Variants in ULK4 observed in about 807,000 individuals in gnomAD.
The protein encoded by ULK4 is inactive serine/threonine-protein kinase ULK4.
In ULK4, 133 loss-of-function variants were observed where a neutral mutation model predicts 160.6. The ratio of observed to expected loss-of-function variants is 0.83; its 90% CI spans 0.72 to 0.96. The LOEUF (loss-of-function observed/expected upper bound fraction) is 0.96, where lower values mean the gene tolerates loss of function less well. Among genes scored for constraint, ULK4 ranks in the 40% least tolerant of loss-of-function variants. ULK4 has a pLI of 0.00. For synonymous variants in ULK4, 534 were observed against 539.8 expected, an observed-to-expected ratio of 0.99 and a Z score of 0.15; for missense variants, 1,580 against 1,499.5, an observed-to-expected ratio of 1.05 and a Z score of -0.89.
At chr3:41,680,844 T>G (rs1296266657) in intron 29 of ULK4, among the ~76,000 whole-genome samples, 1 of 152,238 alleles carries the variant, frequency 6.6e-6, no homozygotes, top group Non-Finnish European at 1.5e-5. Context: ...CAAAATCTTC[T>G]TTAATATTGA....
chr3:41,804,836 G>A (rs866480469), intron 19 of ULK4, among the ~76,000 whole-genome samples: 56 of 152,026 alleles, frequency 3.7e-4, no homozygotes, highest in Non-Finnish European at 6.9e-4. Flanking sequence ...TATTCCATTG[G>A]TCTATATCTC....
intron 32 of ULK4, among the ~76,000 whole-genome samples, chr3:41,554,082 G>C (rs938342385): frequency 6.6e-6 from 1 of 152,064 alleles, no homozygotes; most frequent in Admixed American, 6.6e-5. Flanking sequence ...GAGAACATGT[G>C]AAATTTGTCT....
At chr3:41,532,512 G>T (rs1367192777) in intron 32 of ULK4, among the ~76,000 whole-genome samples, 1 of 152,108 alleles carries the variant, frequency 6.6e-6, no homozygotes, top group South Asian at 2.1e-4. Context: ...TAAGCTCCAT[G>T]AAGGCAGGGA....
chr3:41,370,096 G>C (rs74791241), intron 35 of ULK4, among the ~76,000 whole-genome samples: 1,522 of 151,986 alleles, frequency 0.01, 15 homozygotes, highest in African/African-American at 0.027. Context: ...GATCTCTAGA[G>C]ACACTCTCAA....
At chr3:41,334,757 T>G (rs1037960463) in intron 35 of ULK4, among the ~76,000 whole-genome samples, 1 of 152,212 alleles carries the variant, frequency 6.6e-6, no homozygotes, top group Non-Finnish European at 1.5e-5. Context: ...TTTTAATACA[T>G]GAAAACATAT....
chr3:41,821,923 G>C (rs542111718), intron 18 of ULK4, among the ~76,000 whole-genome samples: 12 of 152,110 alleles, frequency 7.9e-5, no homozygotes, highest in African/African-American at 2.7e-4. Context: ...CCTTTAAATT[G>C]GGCCTTAAAC....
intron 30 of ULK4, among the ~76,000 whole-genome samples, chr3:41,641,338 G>C (rs2034183153): frequency 6.6e-6 from 1 of 152,166 alleles, no homozygotes; most frequent in African/African-American, 2.4e-5. Flanking sequence ...TAGGGGCTAA[G>C]TTGTCGAGGT....
Position 41,955,961 on chromosome 3 carries a change from C to G in ULK4, c.-48-1154G>C, listed in dbSNP as rs984197406. 2.6e-5 allele frequency among the ~76,000 whole-genome samples: 4 copies of G among 152,124 alleles called. No individual in the cohort carries two copies. In the East Asian group the frequency reaches 7.7e-4, roughly 29 times the overall value. ...GCACAGTGGGATAATATATGTGAGG[C>G]AGGAGAACAGGGTCTGGAGGCAGGG... On this transcript the variant is annotated intron_variant, in intron 1 of 36. Transcript: ENST00000301831.
intron 30 of ULK4, among the ~76,000 whole-genome samples, chr3:41,662,322 A>G (rs1210216687): frequency 6.6e-6 from 1 of 152,172 alleles, no homozygotes; most frequent in East Asian, 1.9e-4. Context: ...GGCTCAGAAT[A>G]GATGGTAGTA....
intron 32 of ULK4, among the ~76,000 whole-genome samples, chr3:41,488,142 G>C (rs576017049): frequency 5.7e-4 from 87 of 152,314 alleles, no homozygotes; most frequent in African/African-American, 2.0e-3. Flanking sequence ...CCGAGTTAGA[G>C]AACAATACAT....
chr3:41,805,638 ATTATT>A (rs1352131532), intron 19 of ULK4, among the ~76,000 whole-genome samples: 1 of 151,322 alleles, frequency 6.6e-6, no homozygotes, highest in African/African-American at 2.4e-5. Flanking sequence ...GATAGCTCTT[ATTATT>A]TTGAGATACG....
At chr3:41,463,406 T>C (rs1215105957) in intron 32 of ULK4, among the ~76,000 whole-genome samples, 153 bp from the exon 33 acceptor site, 2 of 152,214 alleles carry the variant, frequency 1.3e-5, no homozygotes. Flanking sequence ...GAAAGTTGTT[T>C]AAAATGCAGG....
intron 21 of ULK4, among the ~76,000 whole-genome samples, chr3:41,768,239 T>C (rs1350548342): frequency 6.6e-6 from 1 of 152,146 alleles, no homozygotes; most frequent in Admixed American, 6.5e-5. Context: ...CCAAAAAGGG[T>C]GGAGACCACT....
intron 32 of ULK4, among the ~76,000 whole-genome samples, chr3:41,506,665 T>A (rs1422487266): frequency 6.6e-6 from 1 of 150,668 alleles, no homozygotes; most frequent in African/African-American, 2.4e-5. Flanking sequence ...CGACCATCAG[T>A]CCTTCACTAA....
intron 32 of ULK4, among the ~76,000 whole-genome samples, chr3:41,508,965 A>G (rs13089080): frequency 0.074 from 11,193 of 152,142 alleles, 575 homozygotes; most frequent in Admixed American, 0.13. Context: ...GATCCAAACC[A>G]AGATGAAATC....
intron 35 of ULK4, among the ~76,000 whole-genome samples, chr3:41,263,092 G>A (rs193242161): frequency 1.6e-4 from 25 of 152,296 alleles, no homozygotes; most frequent in African/African-American, 6.0e-4. Context: ...CTAAGGCACT[G>A]GCATGAGGAT....
At chr3:41,911,763 A>G in intron 9 of ULK4, 104 bp from the exon 10 acceptor site, 1 of 846,268 alleles carries the variant, frequency 1.2e-6, no homozygotes, top group South Asian at 1.6e-5. Flanking sequence ...TACACATGAC[A>G]TTTAGCAAAG....
In ULK4 at chr3:41,895,561, G is replaced by A; in HGVS notation, c.1534C>T (p.Gln512Ter). ...ATRLLHSPLF[Q>*]LLIQHLRIAP... is the part of the protein sequence containing the mutation. ...ATCCGCAAATGCTGGATTAGCAATT[G>A]GAACTAGAATAAGAAATTTAAGTGT... The change falls in exon 16 of 37, where the codon CAA (glutamine) becomes TAA (stop). Residue 512 changes from glutamine (Q) to a stop codon, truncating the protein, a stop_gained. Coordinates refer to ENST00000301831, the MANE Select transcript of ULK4 (RefSeq NM_017886.4). LOFTEE classifies it high-confidence loss of function. 1.3e-6 allele frequency: 2 copies of A among 1,506,042 alleles called. No homozygotes were observed. Among genetic ancestry groups the A allele is most frequent in the Non-Finnish European group, 1.8e-6 (2 of 1,126,726 alleles). The allele number at this position is 1,506,042 out of a possible 1,614,324, so 93.3% of individuals were successfully genotyped here.
At chr3:41,941,094 C>T (rs1699939355) in intron 2 of ULK4, among the ~76,000 whole-genome samples, 1 of 149,974 alleles carries the variant, frequency 6.7e-6, no homozygotes, top group Non-Finnish European at 1.5e-5. Context: ...AGCACAGTGG[C>T]ACAGTCATGG....
Sources: gnomAD v4.1 joint callset for allele counts (sites outside exome capture counted in the v4.1 genomes callset) on GRCh38, gnomAD v4.1.1 for gene constraint, MANE v1.5 for transcripts, NCBI Gene and HGNC (gene_info 2026-07-23, HGNC 2026-07-21) for gene names.